Variants in THSD7B observed in about 807,000 individuals in gnomAD.
The protein encoded by THSD7B is thrombospondin type-1 domain-containing protein 7B.
Under a neutral mutation model 213.6 loss-of-function variants are expected in THSD7B, and 138 were observed. That is an observed-to-expected ratio of 0.65 (90% CI 0.56 to 0.74). The LOEUF is 0.74. Ranked by LOEUF, THSD7B falls within the 30% of genes least tolerant of loss-of-function variation. THSD7B has a pLI of 0.00. For synonymous variants in THSD7B, 742 were observed against 687.0 expected, an observed-to-expected ratio of 1.08 and a Z score of -1.25; for missense variants, 1,931 against 1,991.5, an observed-to-expected ratio of 0.97 and a Z score of 0.58.
In THSD7B at chr2:137,397,162, A is replaced by C. The variant is rs994107221; in HGVS notation, c.2501-8451A>C. ...TTTAATTGGAGCATTTAGTCCATTT[A>C]CATTTAAAGTTAATATTGTTATGTG... On this transcript the variant is annotated intron_variant, in intron 12 of 27. Transcript: ENST00000409968. 3.9e-5 allele frequency among the ~76,000 whole-genome samples: 6 copies of C among 151,980 alleles called. No individual in the cohort carries two copies. In the East Asian group the frequency reaches 9.7e-4, roughly 25 times the overall value.
At chr2:137,098,222 T>G (rs1688076612) in intron 4 of THSD7B, among the ~76,000 whole-genome samples, 1 of 152,218 alleles carries the variant, frequency 6.6e-6, no homozygotes, top group African/African-American at 2.4e-5. Context: ...TTCTTCATAG[T>G]GTTTTTAAAA....
intron 12 of THSD7B, among the ~76,000 whole-genome samples, chr2:137,311,490 C>G (rs950403453): frequency 6.6e-6 from 1 of 151,982 alleles, no homozygotes; most frequent in Non-Finnish European, 1.5e-5. Context: ...AATTGAATAC[C>G]CTTTATTTCC....
intron 5 of THSD7B, among the ~76,000 whole-genome samples, chr2:137,138,002 A>G (rs1347310573): frequency 6.6e-6 from 1 of 152,038 alleles, no homozygotes; most frequent in African/African-American, 2.4e-5. Context: ...AGGCTCAAGT[A>G]ATCCTCCCTC....
chr2:136,829,396 T>C (rs1400874432), intron 1 of THSD7B, among the ~76,000 whole-genome samples: 1 of 152,066 alleles, frequency 6.6e-6, no homozygotes, highest in Non-Finnish European at 1.5e-5. Flanking sequence ...GAACCATTGA[T>C]TTGCATCCTC....
intron 5 of THSD7B, among the ~76,000 whole-genome samples, chr2:137,121,138 C>A (rs959561813): frequency 6.6e-6 from 1 of 152,122 alleles, no homozygotes; most frequent in African/African-American, 2.4e-5. Context: ...ATGGGCTTAG[C>A]AAAAATATTG....
At chr2:136,849,196 A>C (rs1006854594) in intron 1 of THSD7B, among the ~76,000 whole-genome samples, 3 of 152,160 alleles carry the variant, frequency 2.0e-5, no homozygotes, top group African/African-American at 7.2e-5. Flanking sequence ...ATGTTGTTTG[A>C]AGGAAGTTTA....
At chr2:137,262,741 C>A (rs150781567) in intron 10 of THSD7B, among the ~76,000 whole-genome samples, 4 of 152,086 alleles carry the variant, frequency 2.6e-5, no homozygotes, top group Non-Finnish European at 5.9e-5. Flanking sequence ...ATAAGAAACT[C>A]TTCTTTAGTT....
At chr2:136,956,500 A>T (rs28501631) in intron 2 of THSD7B, among the ~76,000 whole-genome samples, 3 of 146,306 alleles carry the variant, frequency 2.1e-5, no homozygotes, top group Admixed American at 6.8e-5. Flanking sequence ...AAATTTTTTT[A>T]TTTTTTATTT....
At chr2:137,529,164 G>A (rs554319631) in intron 15 of THSD7B, among the ~76,000 whole-genome samples, 42 of 151,822 alleles carry the variant, frequency 2.8e-4, no homozygotes, top group South Asian at 1.5e-3. Flanking sequence ...TTTGCTTTAC[G>A]TGACTGTTAA....
rs78946648 is a variant in THSD7B, at chr2:137,325,032, A to G, written c.2500+49006A>G. Among the ~76,000 whole-genome samples the G allele has an allele frequency of 8.5e-3, 1,288 of 152,318 alleles. 26 individuals are homozygous for G. The highest frequency in any genetic ancestry group is 0.029 in the African/African-American group (1,210 of 41,572). ...CGACAGATTTCCTTGTGGTTTTGCCATAGGCATTGGCGTTAAGCAGTGCGT... is the reference window on the plus strand; with the variant it reads ...CGACAGATTTCCTTGTGGTTTTGCCGTAGGCATTGGCGTTAAGCAGTGCGT... On this transcript the variant is annotated intron_variant, in intron 12 of 27. Coordinates refer to ENST00000409968, the MANE Select transcript of THSD7B (RefSeq NM_001316349.2).
intron 14 of THSD7B, among the ~76,000 whole-genome samples, chr2:137,423,554 A>T (rs976537199): frequency 6.6e-6 from 1 of 152,100 alleles, no homozygotes; most frequent in African/African-American, 2.4e-5. Flanking sequence ...CATCAAAAAG[A>T]CTGAAAGACT....
At chr2:137,128,060 C>T (rs1408264538) in intron 5 of THSD7B, among the ~76,000 whole-genome samples, 1 of 152,070 alleles carries the variant, frequency 6.6e-6, no homozygotes, top group Non-Finnish European at 1.5e-5. Context: ...ATTTTCTTTT[C>T]TTATTACTGG....
chr2:137,280,764 A>G (rs1463358015), intron 12 of THSD7B, among the ~76,000 whole-genome samples: 1 of 152,174 alleles, frequency 6.6e-6, no homozygotes, highest in Non-Finnish European at 1.5e-5. Context: ...AAACTTAAAC[A>G]TAATAATACG....
At chr2:136,899,769 A>G (rs1263092261) in intron 2 of THSD7B, among the ~76,000 whole-genome samples, 3 of 152,230 alleles carry the variant, frequency 2.0e-5, no homozygotes, top group Non-Finnish European at 4.4e-5. Flanking sequence ...TATGTAGAGT[A>G]TTGAGTATTA....
rs548570048 is a variant in THSD7B, at chr2:137,309,969, G to T, written c.2500+33943G>T. 3.4e-3 allele frequency among the ~76,000 whole-genome samples: 518 copies of T among 151,746 alleles called. 4 individuals carry two copies. The highest frequency in any genetic ancestry group is 0.012 in the African/African-American group (493 of 41,342). On this transcript the variant is annotated intron_variant, in intron 12 of 27. Transcript: ENST00000409968. ...GTGAATAATGCTGCAATAAACATAC[G>T]TGTGCATGTGTCTTTATAGCAGCAT...
At chr2:137,033,708 G>A (rs182824683) in intron 2 of THSD7B, among the ~76,000 whole-genome samples, 1 of 152,182 alleles carries the variant, frequency 6.6e-6, no homozygotes, top group African/African-American at 2.4e-5. Context: ...TGCCTCCCGG[G>A]TTCAAGCGAT....
At position 137,071,024 on chromosome 2, in the gene THSD7B, C is replaced by T. The variant is rs375720412; in HGVS notation, c.950+13794C>T. On this transcript the variant is annotated intron_variant, in intron 3 of 27. Coordinates refer to ENST00000409968, the MANE Select transcript of THSD7B (RefSeq NM_001316349.2). The stretch of plus-strand genomic sequence containing the variant: ...TGTGAATAGTGCCGCTATAAACATA[C>T]GTGTGCATGTGTCTTTATAGCAGCA... Among the ~76,000 whole-genome samples the T allele has an allele frequency of 2.0e-3, 303 of 152,268 alleles. 2 individuals carry two copies. Among genetic ancestry groups the T allele is most frequent in the South Asian group, 2.3e-3 (11 of 4,828 alleles).
intron 25 of THSD7B, among the ~76,000 whole-genome samples, chr2:137,661,129 T>G (rs1409191838): frequency 6.6e-6 from 1 of 152,154 alleles, no homozygotes; most frequent in South Asian, 2.1e-4. Flanking sequence ...TTCATAATCT[T>G]ATGCTTATTC....
intron 2 of THSD7B, among the ~76,000 whole-genome samples, chr2:136,986,561 C>T (rs1235780695): frequency 6.6e-6 from 1 of 152,150 alleles, no homozygotes; most frequent in Non-Finnish European, 1.5e-5. Context: ...ATGATGCAGC[C>T]TCAGGTATTT....
Sources: gnomAD v4.1 joint callset for allele counts (sites outside exome capture counted in the v4.1 genomes callset) on GRCh38, gnomAD v4.1.1 for gene constraint, MANE v1.5 for transcripts, NCBI Gene and HGNC (gene_info 2026-07-23, HGNC 2026-07-21) for gene names.